The following SLIT3 variants were observed in gnomAD, a reference collection of about 807,000 sequenced individuals.
SLIT3 encodes slit guidance ligand 3.
Under a neutral mutation model 184.0 loss-of-function variants are expected in SLIT3, and 68 were observed. The observed-to-expected ratio is 0.37, with a 90% CI of 0.30 to 0.45. The LOEUF is 0.45. Ranked by LOEUF, SLIT3 falls within the 20% of genes least tolerant of loss-of-function variation. The pLI is 1.00. For missense variants in SLIT3, 1,707 were observed against 2,026.0 expected, an observed-to-expected ratio of 0.84 and a Z score of 3.02; for synonymous variants, 831 against 828.6, an observed-to-expected ratio of 1.00 and a Z score of -0.05.
chr5:168,971,144 A>G (rs1302512163), intron 4 of SLIT3, among the ~76,000 whole-genome samples: 1 of 152,254 alleles, frequency 6.6e-6, no homozygotes, highest in Non-Finnish European at 1.5e-5. Flanking sequence ...AATGAGATGT[A>G]TGCAAGGAAA....
chr5:169,300,703 G>A lies in SLIT3; in HGVS notation c.7C>T (p.Pro3Ser), dbSNP rs1581154621. MA[P>S]GWAGVGAAVR... ...GCGGCGCCGACCCCTGCCCACCCGGGGGCCATGGTGTGCAGGGCCCCGCTC... is the reference window on the plus strand; with the variant it reads ...GCGGCGCCGACCCCTGCCCACCCGGAGGCCATGGTGTGCAGGGCCCCGCTC... The change falls in exon 1 of 36, where the codon CCC becomes TCC. Residue 3 changes from proline to serine, a missense_variant. Physicochemically the swap from Pro to Ser is moderately conservative, Grantham distance 74. Coordinates refer to ENST00000519560, the MANE Select transcript of SLIT3 (RefSeq NM_003062.4). The surrounding 1 kb of genome is among the most constrained non-coding windows in gnomAD (Gnocchi z 4.1). The A allele has an allele frequency of 1.5e-6, 2 of 1,364,998 alleles. No individual in the cohort carries two copies. The highest frequency in any genetic ancestry group is 3.5e-5 in the South Asian group (2 of 57,602). 84.6% of individuals were successfully genotyped at this position (1,364,998 alleles called of 1,614,324 possible). A position where few individuals can be genotyped will look rare whatever the true frequency, so the allele number is the denominator to read the frequency against.
intron 4 of SLIT3, among the ~76,000 whole-genome samples, chr5:169,129,711 C>T (rs574792213): frequency 7.2e-5 from 11 of 152,158 alleles, no homozygotes; most frequent in East Asian, 1.9e-4. Flanking sequence ...CATGGCACTG[C>T]GGAGTAAATC....
At chr5:168,876,819 G>A (rs367793115) in intron 5 of SLIT3, among the ~76,000 whole-genome samples, 148 of 152,090 alleles carry the variant, frequency 9.7e-4, no homozygotes, top group African/African-American at 3.2e-3. Flanking sequence ...TGAGTTCTTC[G>A]GATACAAGAA....
chr5:168,748,247 G>A (rs1754560343), intron 20 of SLIT3, 55 bp downstream of exon 20: 4 of 1,432,950 alleles, frequency 2.8e-6, no homozygotes. Context: ...AAAGTATGGA[G>A]GATGCTGCTG....
At chr5:168,936,677 A>G (rs532799977) in intron 4 of SLIT3, among the ~76,000 whole-genome samples, 149 of 152,242 alleles carry the variant, frequency 9.8e-4, no homozygotes, top group African/African-American at 3.4e-3. Context: ...GCAGCTTTCC[A>G]TATCCGGTGA....
intron 4 of SLIT3, among the ~76,000 whole-genome samples, chr5:169,064,844 CAA>C (rs750652354): frequency 4.3e-4 from 66 of 152,208 alleles, no homozygotes; most frequent in Non-Finnish European, 8.1e-4. Flanking sequence ...TATGAGGGAC[CAA>C]AGAGATTTTC....
chr5:169,091,937 T>C (rs1490668994), intron 4 of SLIT3, among the ~76,000 whole-genome samples: 2 of 152,098 alleles, frequency 1.3e-5, no homozygotes, highest in East Asian at 1.9e-4. Context: ...AAAAAATGAC[T>C]CAGAGTGGGT....
intron 3 of SLIT3, among the ~76,000 whole-genome samples, chr5:169,208,989 A>C (rs903756982): frequency 3.9e-5 from 6 of 152,372 alleles, no homozygotes; most frequent in Admixed American, 3.9e-4. Flanking sequence ...TCTGAAGAGC[A>C]AAAGAAACTA....
intron 12 of SLIT3, among the ~76,000 whole-genome samples, chr5:168,778,157 C>T (rs1443291941): frequency 1.3e-5 from 2 of 152,170 alleles, no homozygotes; most frequent in African/African-American, 4.8e-5. Flanking sequence ...AATAATGCAG[C>T]ATCCTCTCTA....
chr5:169,098,335 C>T (rs771916232), intron 4 of SLIT3, among the ~76,000 whole-genome samples: 8 of 152,158 alleles, frequency 5.3e-5, no homozygotes, highest in Non-Finnish European at 1.0e-4. Flanking sequence ...TACATGCAAC[C>T]GATAACTATG....
At chr5:168,829,128 C>A (rs886229598) in intron 6 of SLIT3, among the ~76,000 whole-genome samples, 1 of 152,164 alleles carries the variant, frequency 6.6e-6, no homozygotes, top group Non-Finnish European at 1.5e-5. Context: ...GGAGGAGACA[C>A]GTCCAGCTGC....
chr5:169,086,595 T>C (rs1287065058), intron 4 of SLIT3, among the ~76,000 whole-genome samples: 1 of 152,230 alleles, frequency 6.6e-6, no homozygotes, highest in Non-Finnish European at 1.5e-5. Context: ...ACAGCAAAGA[T>C]GAAATTTTGA....
At position 168,877,849 on chromosome 5, in the gene SLIT3, G is replaced by C. The variant is rs908375498; in HGVS notation, c.485+5416C>G. 6.3e-5 allele frequency among the ~76,000 whole-genome samples: 9 copies of C among 143,782 alleles called. No homozygotes were observed. The East Asian group carries it at 1.8e-3, about 29-fold the overall frequency. The allele number at this position is 143,782 out of a possible 152,430, so 94.3% of individuals were successfully genotyped here. On this transcript the variant is annotated intron_variant, in intron 5 of 35. Coordinates refer to ENST00000519560, the MANE Select transcript of SLIT3 (RefSeq NM_003062.4). ...AAAACATAACTGCTGAGAAAGACAG[G>C]GCAAGGGGACATTTAAAAAAAAACA...
chr5:169,242,836 CT>C (rs1561761343), intron 3 of SLIT3, among the ~76,000 whole-genome samples: 1 of 152,262 alleles, frequency 6.6e-6, no homozygotes, highest in East Asian at 1.9e-4. Flanking sequence ...GTATTTCAGC[CT>C]TGTTCACCAA....
chr5:168,929,501 T>C lies in SLIT3; in HGVS notation c.414-46165A>G, dbSNP rs536704305. Among the ~76,000 whole-genome samples, 3 of 152,142 alleles carry C rather than the reference T, an allele frequency of 2.0e-5. No individual in the cohort carries two copies. In the South Asian group the frequency reaches 6.2e-4, roughly 32 times the overall value. On this transcript the variant is annotated intron_variant, in intron 4 of 35. Transcript: ENST00000519560. ...AAAGCTGTTCATAATTACACAGAGG[T>C]AGAGGCAAAATTCAAACCCAGGGAT... is the stretch of plus-strand genomic sequence containing the variant.
At chr5:169,154,260 G>A (rs868038357) in intron 4 of SLIT3, among the ~76,000 whole-genome samples, 16 of 152,272 alleles carry the variant, frequency 1.1e-4, no homozygotes, top group Middle Eastern at 3.4e-3. Context: ...GTGCCTGGCC[G>A]ATGCTGCCAG....
chr5:169,201,880 G>C (rs1480869376), intron 3 of SLIT3, among the ~76,000 whole-genome samples: 3 of 152,310 alleles, frequency 2.0e-5, no homozygotes, highest in South Asian at 4.1e-4. Flanking sequence ...GGAACACTTG[G>C]ATATTTTGTT....
intron 6 of SLIT3, among the ~76,000 whole-genome samples, chr5:168,838,603 G>A (rs1357514888): frequency 1.3e-5 from 2 of 152,156 alleles, no homozygotes; most frequent in Non-Finnish European, 2.9e-5. Context: ...TAAACTCTGG[G>A]TTCTCTGAAG....
chr5:168,710,888 C>T lies in SLIT3; in HGVS notation c.2719+7G>A. 1 of 1,521,788 alleles carries T rather than the reference C, an allele frequency of 6.6e-7. No individual in the cohort carries two copies. Among genetic ancestry groups the T allele is most frequent in the Non-Finnish European group, 8.9e-7 (1 of 1,128,172 alleles). The allele number at this position is 1,521,788 out of a possible 1,614,324, so 94.3% of individuals were successfully genotyped here. A position where few individuals can be genotyped will look rare whatever the true frequency, so the allele number is the denominator to read the frequency against. On this transcript the variant is annotated splice_region_variant and intron_variant, in intron 25 of 35. Transcript: ENST00000519560. ...GCAGGGGAGGGTGGGGTGTGGGCGTCACCTACCTTTGCACTGGAAGCGGTG... is the reference window on the plus strand; with the variant it reads ...GCAGGGGAGGGTGGGGTGTGGGCGTTACCTACCTTTGCACTGGAAGCGGTG...
Sources: allele counts gnomAD v4.1 joint callset (sites outside exome capture counted in the v4.1 genomes callset), GRCh38; gene constraint gnomAD v4.1.1; non-coding constraint Gnocchi (gnomAD v3.1); transcripts MANE v1.5; gene names NCBI Gene and HGNC (gene_info 2026-07-23, HGNC 2026-07-21).